The following ABCA3 variants were observed in gnomAD, a reference collection of about 807,000 sequenced individuals.
The protein encoded by ABCA3 is ATP binding cassette subfamily A member 3, also known as phospholipid-transporting ATPase ABCA3.
Under a neutral mutation model 172.8 loss-of-function variants are expected in ABCA3, and 88 were observed. That is an observed-to-expected ratio of 0.51 (90% confidence interval 0.43 to 0.61). The LOEUF (loss-of-function observed/expected upper bound fraction) is 0.61, where lower values mean the gene tolerates loss of function less well. Ranked by LOEUF, ABCA3 falls within the 20% of genes least tolerant of loss-of-function variation. ABCA3 has a pLI of 0.00. For missense variants in ABCA3, 2,164 were observed against 2,301.0 expected (o/e 0.94, Z 1.22); for synonymous variants, 1,066 against 983.8 (o/e 1.08, Z -1.56).
chr16:2,304,500 CTTTTTTT>C (rs34874417), intron 11 of ABCA3, among the ~76,000 whole-genome samples: 7 of 84,006 alleles, frequency 8.3e-5, no homozygotes, highest in Admixed American at 3.1e-4. Flanking sequence ...TAGCATAAGT[CTTTTTTT>C]TTTTTTTTTT....
intron 10 of ABCA3, among the ~76,000 whole-genome samples, chr16:2,312,931 C>T (rs2093708843): frequency 6.6e-6 from 1 of 151,676 alleles, no homozygotes; most frequent in East Asian, 2.0e-4. Context: ...ACACCTGTGG[C>T]CCCAGCTGCT....
rs2093738540 is a variant in ABCA3 at position 2,328,775 on chromosome 16, T to C, written c.-331-18A>G. The C allele has an allele frequency of 2.3e-5, 6 of 263,256 alleles. No homozygotes were observed. In the South Asian group the frequency reaches 2.3e-4, roughly 10 times the overall value. 16.3% of individuals were successfully genotyped at this position (263,256 alleles called of 1,614,324 possible). ...ACTCATGGCTGATCCAAACCCAACATCATCCATCAGCCAGGTTAAGATGCA... is the reference window on the plus strand; with the variant it reads ...ACTCATGGCTGATCCAAACCCAACACCATCCATCAGCCAGGTTAAGATGCA... On this transcript the variant is annotated intron_variant, in intron 2 of 32. Transcript: ENST00000301732.
rs2093646220 is a variant in ABCA3 at position 2,276,285 on chromosome 16, G to A, written c.*389C>T. The A allele has an allele frequency of 4.3e-6, 2 of 461,912 alleles. No individual in the cohort carries two copies. Among genetic ancestry groups the A allele is most frequent in the Admixed American group, 2.3e-5 (1 of 42,684 alleles). 28.6% of individuals were successfully genotyped at this position (461,912 alleles called of 1,614,324 possible). ...GGCTTCCCGCTTCCTCCCCAGGGGA[G>A]ATTAGTGTCGTGTGTAAACTTGGAC... On this transcript the variant is annotated 3_prime_UTR_variant, in exon 33 of 33. Coordinates refer to ENST00000301732, the MANE Select transcript of ABCA3 (RefSeq NM_001089.3).
At chr16:2,317,171 TG>T in intron 10 of ABCA3, 111 bp downstream of exon 10, 1 of 1,508,904 alleles carries the variant, frequency 6.6e-7, no homozygotes, top group Non-Finnish European at 9.1e-7. Flanking sequence ...AGCTCCTCCC[TG>T]GGCAGCTCCA....
rs1047709143 is a variant in ABCA3, at chr16:2,297,607, T to C, written c.2053-68A>G. The C allele has an allele frequency of 5.0e-6, 8 of 1,597,482 alleles. No individual in the cohort carries two copies. Among genetic ancestry groups the C allele is most frequent in the Non-Finnish European group, 6.8e-6 (8 of 1,172,174 alleles). ...CCCCGGGCCCAGGCTGGCCTTGCGG[T>C]AGGCCCCATCGAGGGGTTCGCGGAG... On this transcript the variant is annotated intron_variant, in intron 16 of 32. Transcript: ENST00000301732. The surrounding 1 kb of genome is among the most constrained non-coding windows in gnomAD (Gnocchi z 5.6).
At position 2,277,870 on chromosome 16, in the gene ABCA3, G is replaced by C. The variant is rs538195955; in HGVS notation, c.4909+9C>G. The C allele has an allele frequency of 1.2e-6, 2 of 1,608,034 alleles. No individual in the cohort carries two copies. Among genetic ancestry groups the C allele is most frequent in the Non-Finnish European group, 1.7e-6 (2 of 1,179,768 alleles). On this transcript the variant is annotated intron_variant, in intron 31 of 32. Coordinates refer to ENST00000301732, the MANE Select transcript of ABCA3 (RefSeq NM_001089.3). This position sits in a 1 kb window ranked among gnomAD's most constrained non-coding sequence, Gnocchi z 5.3. Reference sequence around the variant, plus strand: ...CCACCCAGTGGGGGCTGCCGGGGCCGGCACACACCTGGAAAGGTCAGGTCC... The same window carrying C: ...CCACCCAGTGGGGGCTGCCGGGGCCCGCACACACCTGGAAAGGTCAGGTCC...
At position 2,317,280 on chromosome 16, in the gene ABCA3, C is replaced by A; in HGVS notation, c.1111+3G>T. ...CCCACTCTGCCCCATGACTGGGGCT[C>A]ACCTTTGCTGAAGAAGGTGCTGACC... On this transcript the variant is annotated splice_donor_region_variant and intron_variant, in intron 10 of 32. Coordinates refer to ENST00000301732, the MANE Select transcript of ABCA3 (RefSeq NM_001089.3). 1 of 1,613,944 alleles carries A rather than the reference C, an allele frequency of 6.2e-7. No homozygotes were observed. The highest frequency in any genetic ancestry group is 1.1e-5 in the South Asian group (1 of 91,058).
In ABCA3 at chr16:2,308,329, A is replaced by G. The variant is rs2093700995; in HGVS notation, c.1285+121T>C. On this transcript the variant is annotated intron_variant, in intron 11 of 32. Transcript: ENST00000301732. The stretch of plus-strand genomic sequence containing the variant: ...GCTGTATGCGGATGCTGCTGCCTTC[A>G]GTGGTCCCAACTGCCTGCCAACCGT... 2.1e-5 allele frequency: 25 copies of G among 1,219,180 alleles called. No individual in the cohort carries two copies. The East Asian group carries it at 3.2e-4, about 16-fold the overall frequency. 75.5% of individuals were successfully genotyped at this position (1,219,180 alleles called of 1,614,324 possible).
chr16:2,286,638 G>A lies in ABCA3; in HGVS notation c.3278+56C>T. Reference sequence around the variant, plus strand: ...TCTATGGGCCCGTGGCAGTGCCCAGGGCAGTCAGTCCTGGGGGCTCTGGCC... The same window carrying A: ...TCTATGGGCCCGTGGCAGTGCCCAGAGCAGTCAGTCCTGGGGGCTCTGGCC... On this transcript the variant is annotated intron_variant, in intron 22 of 32. Transcript: ENST00000301732. The surrounding 1 kb of genome is among the most constrained non-coding windows in gnomAD (Gnocchi z 5.2). 2 of 1,607,478 alleles carry A rather than the reference G, an allele frequency of 1.2e-6. No homozygotes were observed. The highest frequency in any genetic ancestry group is 1.7e-6 in the Non-Finnish European group (2 of 1,177,368).
rs1443145997 is a variant in ABCA3 at position 2,276,506 on chromosome 16, G to A, written c.*168C>T. 2 of 1,130,076 alleles carry A rather than the reference G, an allele frequency of 1.8e-6. No individual in the cohort carries two copies. The highest frequency in any genetic ancestry group is 2.5e-6 in the Non-Finnish European group (2 of 794,164). The allele number at this position is 1,130,076 out of a possible 1,614,324, so 70.0% of individuals were successfully genotyped here. A position where few individuals can be genotyped will look rare whatever the true frequency, so the allele number is the denominator to read the frequency against. ...GCGCATGCTGATCCTGGGCATGAGG[G>A]CTGGGCTGCACTCGTCCATTCTGTG... is the stretch of plus-strand genomic sequence containing the variant. On this transcript the variant is annotated 3_prime_UTR_variant, in exon 33 of 33. Coordinates refer to ENST00000301732, the MANE Select transcript of ABCA3 (RefSeq NM_001089.3).
At chr16:2,307,073 G>C (rs1469514088) in intron 11 of ABCA3, among the ~76,000 whole-genome samples, 2 of 150,566 alleles carry the variant, frequency 1.3e-5, no homozygotes, top group Non-Finnish European at 3.0e-5. Context: ...TCGTGATGAT[G>C]CCATTGCACT....
chr16:2,323,813 A>T, intron 6 of ABCA3, 125 bp from the exon 7 acceptor site: 1 of 1,107,362 alleles, frequency 9.0e-7, no homozygotes, highest in Non-Finnish European at 1.4e-6. Context: ...CCCGCCTCTG[A>T]GTATCTCCAA....
At chr16:2,325,229 C>G (rs555003857) in intron 5 of ABCA3, among the ~76,000 whole-genome samples, 3 of 152,248 alleles carry the variant, frequency 2.0e-5, no homozygotes, top group African/African-American at 7.2e-5. Flanking sequence ...CACGGTCAAA[C>G]TGTGCCCTGC....
rs756031031 is a variant in ABCA3, at chr16:2,277,665, C to T, written c.4915G>A (p.Val1639Ile). Residue 1639 changes from valine (V) to isoleucine (I), a missense_variant, in exon 32 of 33, where the codon GTC becomes ATC. Physicochemically the swap from Val to Ile is conservative, Grantham distance 29. Around this residue, in one of 3 missense-constraint regions of ABCA3, gnomAD observed 795 missense variants for 881.9 expected, o/e 0.90. Transcript: ENST00000301732. This position sits in a 1 kb window ranked among gnomAD's most constrained non-coding sequence, Gnocchi z 5.3. ...ATGCCTTGGTGCTCATCTTCCAGGA[C>T]GCTGCCTGCACAAAGGAGAGACGGT... ...AFVDLTFPGS[V>I]LEDEHQGMVH... 2.6e-5 allele frequency: 42 copies of T among 1,613,064 alleles called. No individual in the cohort carries two copies. Among genetic ancestry groups the T allele is most frequent in the African/African-American group, 1.3e-4 (10 of 74,936 alleles).
At chr16:2,323,338 A>G (rs1374701116) in intron 7 of ABCA3, 185 bp downstream of exon 7, 10 of 738,338 alleles carry the variant, frequency 1.4e-5, no homozygotes, top group South Asian at 1.3e-4. Flanking sequence ...TCATGCTGCT[A>G]TAAGGACACA....
At chr16:2,312,762 C>T (rs956450749) in intron 10 of ABCA3, among the ~76,000 whole-genome samples, 1 of 151,964 alleles carries the variant, frequency 6.6e-6, no homozygotes, top group Non-Finnish European at 1.5e-5. Flanking sequence ...GAACTCCTGA[C>T]CTCAGGTGAT....
chr16:2,304,299 G>T, intron 11 of ABCA3, 149 bp from the exon 12 acceptor site: 1 of 818,194 alleles, frequency 1.2e-6, no homozygotes, highest in Non-Finnish European at 2.1e-6. Flanking sequence ...TTTATAACAA[G>T]TTGGACAGCT....
At position 2,299,307 on chromosome 16, in the gene ABCA3, C is replaced by T. The variant is rs190727873; in HGVS notation, c.1741+96G>A. On this transcript the variant is annotated intron_variant, in intron 14 of 32. Coordinates refer to ENST00000301732, the MANE Select transcript of ABCA3 (RefSeq NM_001089.3). ...CCTGCCGCTGTGGTTGGGGAAGGCCCGAAAGCCCCATTGAGGGAGTGAGGC... is the reference window on the plus strand; with the variant it reads ...CCTGCCGCTGTGGTTGGGGAAGGCCTGAAAGCCCCATTGAGGGAGTGAGGC... 4.1e-5 allele frequency: 64 copies of T among 1,563,718 alleles called. No individual in the cohort carries two copies. In the South Asian group the frequency reaches 4.7e-4, roughly 11 times the overall value.
chr16:2,285,799 C>G lies in ABCA3; in HGVS notation c.3279-153G>C, dbSNP rs552216669. 6.6e-6 allele frequency among the ~76,000 whole-genome samples: 1 copy of G among 152,118 alleles called. No homozygotes were observed. The highest frequency in any genetic ancestry group is 2.1e-4 in the South Asian group (1 of 4,824). On this transcript the variant is annotated intron_variant, in intron 22 of 32. Transcript: ENST00000301732. The surrounding 1 kb of genome is among the most constrained non-coding windows in gnomAD (Gnocchi z 4.7). ...GAGCACAAGCACCATGGTTCCATAC[C>G]GGGAACATCTGCCCCCACCGGAGAA...
Sources: allele counts gnomAD v4.1 joint callset (sites outside exome capture counted in the v4.1 genomes callset), GRCh38; gene constraint gnomAD v4.1.1; regional missense constraint gnomAD v4.1.1; non-coding constraint Gnocchi (gnomAD v3.1); transcripts MANE v1.5; gene names NCBI Gene and HGNC (gene_info 2026-07-23, HGNC 2026-07-21).